ROBO2: variants seen among roughly 807,000 people sequenced by gnomAD.
ROBO2 encodes the protein roundabout homolog 2.
In ROBO2, 53 loss-of-function variants were observed where a neutral mutation model predicts 160.8. That is an observed-to-expected ratio of 0.33 (90% CI 0.26 to 0.41). The LOEUF (loss-of-function observed/expected upper bound fraction) is 0.41. ROBO2 is among the 10% of genes least tolerant of loss of function. The pLI is 1.00. For synonymous variants in ROBO2, 664 were observed against 611.7 expected (o/e 1.09, Z -1.26); for missense variants, 1,577 against 1,722.4 (o/e 0.92, Z 1.49).
intron 2 of ROBO2, among the ~76,000 whole-genome samples, chr3:76,877,164 G>A (rs1191174956): frequency 2.0e-5 from 3 of 152,072 alleles, no homozygotes; most frequent in Admixed American, 2.0e-4. Flanking sequence ...GAAAGTTAAG[G>A]CTTCTAATAG....
chr3:77,340,777 G>C (rs1467470018), intron 2 of ROBO2, among the ~76,000 whole-genome samples: 2 of 152,064 alleles, frequency 1.3e-5, no homozygotes, highest in Admixed American at 1.3e-4. Flanking sequence ...TCATAATACT[G>C]TATGAATTAC....
At chr3:76,537,409 TTTA>T (rs2082567564) in intron 2 of ROBO2, among the ~76,000 whole-genome samples, 1 of 151,820 alleles carries the variant, frequency 6.6e-6, no homozygotes. Context: ...GACGTTTGGG[TTTA>T]AGGTCAGATG....
intron 2 of ROBO2, among the ~76,000 whole-genome samples, chr3:76,243,215 G>A (rs995914421): frequency 1.3e-5 from 2 of 152,038 alleles, no homozygotes; most frequent in Admixed American, 1.3e-4. Flanking sequence ...CCCATTACAT[G>A]TCACTTCTGA....
At chr3:76,177,898 C>T (rs2073286259) in intron 2 of ROBO2, among the ~76,000 whole-genome samples, 1 of 152,130 alleles carries the variant, frequency 6.6e-6, no homozygotes, top group Admixed American at 6.6e-5. Context: ...GCAGGCAGCC[C>T]TGTTTGCCAG....
chr3:76,828,989 C>G (rs2066828984), intron 2 of ROBO2, among the ~76,000 whole-genome samples: 1 of 152,076 alleles, frequency 6.6e-6, no homozygotes, highest in African/African-American at 2.4e-5. Flanking sequence ...TTGCCCACCT[C>G]CTTCTTGCCT....
intron 1 of ROBO2, among the ~76,000 whole-genome samples, chr3:77,054,747 T>G (rs2065553332): frequency 6.6e-6 from 1 of 152,074 alleles, no homozygotes; most frequent in Admixed American, 6.5e-5. Flanking sequence ...AGATGGGCAG[T>G]GAGAGGTAAT....
In ROBO2 at chr3:77,512,557, AT is replaced by A. The variant is rs1393819927; in HGVS notation, c.807-10217del. 9.2e-5 allele frequency among the ~76,000 whole-genome samples: 14 copies of A among 152,070 alleles called. 1 individual carries two copies. The highest frequency in any genetic ancestry group is 3.4e-4 in the African/African-American group (14 of 41,510). ...GGAACTGATTAGTTAGTTTGTATGT[AT>A]AAAAAATCAGTACAGGGTTCCATAA... is the stretch of plus-strand genomic sequence containing the variant. On this transcript the variant is annotated intron_variant, in intron 5 of 25. Coordinates refer to ENST00000461745, the Ensembl canonical transcript of ROBO2.
chr3:77,329,447 G>A (rs570978125), intron 2 of ROBO2, among the ~76,000 whole-genome samples: 6 of 152,180 alleles, frequency 3.9e-5, no homozygotes, highest in Non-Finnish European at 8.8e-5. Context: ...GACATAACGT[G>A]TTAACCCTTG....
chr3:76,014,655 C>T lies in ROBO2; in HGVS notation c.109+77053C>T, dbSNP rs891514190. Among the ~76,000 whole-genome samples the T allele has an allele frequency of 3.9e-5, 6 of 152,160 alleles. No individual in the cohort carries two copies. In the East Asian group the frequency reaches 7.7e-4, roughly 20 times the overall value. ...TATAAAGGCTATTGGCGACTGGGCA[C>T]GGTGGCTTATGCATGTAATCCCCGC... On this transcript the variant is annotated intron_variant, in intron 2 of 26. Transcript: ENST00000487694.
At chr3:76,570,607 C>A (rs1488017103) in intron 2 of ROBO2, among the ~76,000 whole-genome samples, 3 of 152,118 alleles carry the variant, frequency 2.0e-5, no homozygotes, top group African/African-American at 7.2e-5. Flanking sequence ...GTGCAAACTG[C>A]AACTTTTCAT....
At chr3:77,004,959 T>A (rs1270641053) in intron 2 of ROBO2, among the ~76,000 whole-genome samples, 1 of 152,080 alleles carries the variant, frequency 6.6e-6, no homozygotes, top group Non-Finnish European at 1.5e-5. Flanking sequence ...ATTGGGCCAG[T>A]AAAGTCCTTT....
chr3:76,310,607 A>G (rs2071533578), intron 2 of ROBO2, among the ~76,000 whole-genome samples: 2 of 152,220 alleles, frequency 1.3e-5, no homozygotes, highest in Non-Finnish European at 2.9e-5. Context: ...CACGAGGTGA[A>G]GTAAAGGAAA....
intron 24 of ROBO2, among the ~76,000 whole-genome samples, chr3:77,643,827 A>G (rs933020235): frequency 6.6e-5 from 10 of 152,324 alleles, no homozygotes; most frequent in Admixed American, 6.5e-4. Flanking sequence ...CCAGTAGATG[A>G]CAATTTTAAT....
intron 2 of ROBO2, among the ~76,000 whole-genome samples, chr3:76,451,309 C>T (rs932752308): frequency 6.6e-6 from 1 of 152,064 alleles, no homozygotes; most frequent in South Asian, 2.1e-4. Flanking sequence ...ATTATTTGTT[C>T]CTGTTTTTGT....
intron 16 of ROBO2, among the ~76,000 whole-genome samples, chr3:77,582,583 T>G (rs1359686801): frequency 1.3e-5 from 2 of 152,164 alleles, no homozygotes; most frequent in Non-Finnish European, 2.9e-5. Context: ...TTGGCTGCTC[T>G]TGGATTATTA....
At chr3:76,897,316 G>A (rs2074868557) in intron 2 of ROBO2, among the ~76,000 whole-genome samples, 1 of 152,020 alleles carries the variant, frequency 6.6e-6, no homozygotes, top group African/African-American at 2.4e-5. Flanking sequence ...ATTAAAGAGA[G>A]TTTCAGCAGT....
chr3:76,461,731 CTT>C (rs144233767), intron 2 of ROBO2, among the ~76,000 whole-genome samples: 3,472 of 152,194 alleles, frequency 0.023, 58 homozygotes, highest in South Asian at 0.047. Flanking sequence ...TGAAAAACAA[CTT>C]AGACCTAAGT....
At chr3:76,681,394 C>T (rs2092558240) in intron 2 of ROBO2, among the ~76,000 whole-genome samples, 1 of 152,096 alleles carries the variant, frequency 6.6e-6, no homozygotes, top group Non-Finnish European at 1.5e-5. Context: ...TCAACCACTT[C>T]AATCCTTTCA....
chr3:77,268,739 A>G (rs1336654950), intron 2 of ROBO2, among the ~76,000 whole-genome samples: 1 of 152,172 alleles, frequency 6.6e-6, no homozygotes, highest in Admixed American at 6.6e-5. Context: ...CAAGAAGCAG[A>G]CATCTATTGC....
Sources: allele counts gnomAD v4.1 joint callset (sites outside exome capture counted in the v4.1 genomes callset), GRCh38; gene constraint gnomAD v4.1.1; transcripts MANE v1.5; gene names NCBI Gene and HGNC (gene_info 2026-07-23, HGNC 2026-07-21).